Variants in CNGA3 observed in about 807,000 individuals in gnomAD.
CNGA3 encodes cyclic nucleotide-gated channel alpha-3.
In CNGA3, 42 loss-of-function variants were observed where a neutral mutation model predicts 46.6. The observed-to-expected ratio is 0.90, with a 90% confidence interval of 0.70 to 1.17. The LOEUF is 1.17. CNGA3 is among the 50% of genes most tolerant of loss of function. CNGA3 has a pLI of 0.00. For synonymous variants in CNGA3, 394 were observed against 369.4 expected, an observed-to-expected ratio of 1.07 and a Z score of -0.76; for missense variants, 893 against 890.7, an observed-to-expected ratio of 1.00 and a Z score of -0.03.
At chr2:98,390,885 G>T (rs1294916559) in intron 6 of CNGA3, among the ~76,000 whole-genome samples, 1 of 152,242 alleles carries the variant, frequency 6.6e-6, no homozygotes, top group African/African-American at 2.4e-5. Flanking sequence ...GCAAAGGCAG[G>T]TCTCTTCTGA....
Position 98,397,296 on chromosome 2 carries a change from AG to A in CNGA3, c.*44del. On this transcript the variant is annotated 3_prime_UTR_variant, in exon 8 of 8. Coordinates refer to ENST00000272602, the MANE Select transcript of CNGA3 (RefSeq NM_001298.3). Reference sequence around the variant, plus strand: ...CTCCTGCTTCACAGGGTCGACTGTCAGGGTGACCGTATGTGGCCGCAGCTGT... The same window carrying A: ...CTCCTGCTTCACAGGGTCGACTGTCAGGTGACCGTATGTGGCCGCAGCTGT... 6.9e-6 allele frequency: 11 copies of A among 1,592,298 alleles called. No homozygotes were observed. Among genetic ancestry groups the A allele is most frequent in the Non-Finnish European group, 9.5e-6 (11 of 1,162,820 alleles).
rs576972804 is a variant in CNGA3, at chr2:98,369,913, G to A, written c.-37-26G>A. On this transcript the variant is annotated intron_variant, in intron 1 of 7. Coordinates refer to ENST00000272602, the MANE Select transcript of CNGA3 (RefSeq NM_001298.3). ...GCAGTTACTTTCCTGTCCTGATGAC[G>A]TGTCTGCTTTGTGTTCACATTTTAG... 82 of 1,420,210 alleles carry A rather than the reference G, an allele frequency of 5.8e-5. 1 individual carries two copies. In the South Asian group the frequency reaches 6.8e-4, roughly 12 times the overall value. The allele number at this position is 1,420,210 out of a possible 1,614,324, so 88.0% of individuals were successfully genotyped here.
Position 98,380,185 on chromosome 2 carries a change from C to A in CNGA3, c.226C>A (p.Leu76Ile). ...TGQGIARLSR[L>I]IFLLRRWAAR... ...TGTGTCACCTTCCAGGCTGTCGCGC[C>A]TCATCTTCTTGCTGCGCAGGTGGGC... Residue 76 changes from leucine (L) to isoleucine (I), a missense_variant, in exon 4 of 8, where the codon CTC (leucine) becomes ATC (isoleucine). By Grantham distance (5) the Leu-to-Ile change is conservative. Around this residue, in one of 3 missense-constraint regions of CNGA3, gnomAD observed 333 missense variants for 290.8 expected, o/e 1.15. Coordinates refer to ENST00000272602, the MANE Select transcript of CNGA3 (RefSeq NM_001298.3). The A allele has an allele frequency of 3.7e-6, 6 of 1,614,218 alleles. No individual in the cohort carries two copies. The highest frequency in any genetic ancestry group is 5.1e-6 in the Non-Finnish European group (6 of 1,180,052).
chr2:98,360,891 C>T (rs72819940), intron 1 of CNGA3, among the ~76,000 whole-genome samples: 29,159 of 151,974 alleles, frequency 0.19, 3,191 homozygotes, highest in Non-Finnish European at 0.26. Context: ...TTAGAATAAA[C>T]AATGATGTAA....
intron 1 of CNGA3, among the ~76,000 whole-genome samples, chr2:98,357,014 G>A (rs968366027): frequency 1.3e-5 from 2 of 152,156 alleles, no homozygotes; most frequent in African/African-American, 2.4e-5. Context: ...CAATAAATAC[G>A]TGGCTGTTAT....
At chr2:98,380,611 C>A (rs1027539339) in intron 4 of CNGA3, among the ~76,000 whole-genome samples, 2 of 152,136 alleles carry the variant, frequency 1.3e-5, no homozygotes, top group Admixed American at 6.5e-5. Flanking sequence ...TCACCTTATC[C>A]TACACAGGGG....
In CNGA3 at chr2:98,384,408, A is replaced by G. The variant is rs566920491; in HGVS notation, c.449+967A>G. 3.2e-4 allele frequency among the ~76,000 whole-genome samples: 49 copies of G among 152,322 alleles called. No individual in the cohort carries two copies. The South Asian group carries it at 9.9e-3, about 31-fold the overall frequency. On this transcript the variant is annotated intron_variant, in intron 5 of 7. Transcript: ENST00000272602. The stretch of plus-strand genomic sequence containing the variant: ...TGGAGATTAGGGAAAAAATACCTAT[A>G]TCAGTGAGAAATGCCGATTTCTTGA...
intron 2 of CNGA3, among the ~76,000 whole-genome samples, chr2:98,374,008 G>A (rs1284898503): frequency 6.6e-6 from 1 of 152,216 alleles, no homozygotes; most frequent in East Asian, 1.9e-4. Context: ...CAATAGCAGT[G>A]GGTTCCAATC....
chr2:98,361,706 T>G (rs1692036977), intron 1 of CNGA3, among the ~76,000 whole-genome samples: 2 of 93,578 alleles, frequency 2.1e-5, no homozygotes, highest in Non-Finnish European at 5.5e-5. Context: ...TTTCTTGACT[T>G]TTTTTTTTTT....
Position 98,380,429 on chromosome 2 carries a change from C to T in CNGA3, c.395+75C>T, listed in dbSNP as rs568166873. The T allele has an allele frequency of 1.4e-4, 220 of 1,537,728 alleles. 1 individual carries two copies. Among genetic ancestry groups the T allele is most frequent in the Middle Eastern group, 1.8e-4 (1 of 5,416 alleles). ...CAGGAAGCCTGTGCTTTGCTCCATC[C>T]TGTTTGGATGCAGCACAGGTGGCCT... On this transcript the variant is annotated intron_variant, in intron 4 of 7. Coordinates refer to ENST00000272602, the MANE Select transcript of CNGA3 (RefSeq NM_001298.3).
chr2:98,361,844 A>T lies in CNGA3; in HGVS notation c.-37-8095A>T, dbSNP rs547016158. On this transcript the variant is annotated intron_variant, in intron 1 of 7. Transcript: ENST00000272602. ...TGCCTCAGCCTCCAGAGTAGCTGGG[A>T]CTACAGGCGCCCGCCACCACCCCCA... 1.5e-4 allele frequency among the ~76,000 whole-genome samples: 22 copies of T among 151,476 alleles called. No individual in the cohort carries two copies. In the South Asian group the frequency reaches 4.6e-3, roughly 32 times the overall value.
intron 4 of CNGA3, among the ~76,000 whole-genome samples, chr2:98,381,205 G>A (rs538149185): frequency 1.4e-3 from 210 of 152,258 alleles, no homozygotes; most frequent in African/African-American, 4.9e-3. Flanking sequence ...GGTCTGTCTG[G>A]AAGGGAGGAG....
intron 1 of CNGA3, among the ~76,000 whole-genome samples, chr2:98,355,063 A>G (rs946591923): frequency 1.3e-5 from 2 of 152,158 alleles, no homozygotes; most frequent in African/African-American, 4.8e-5. Context: ...TGTTCATGAG[A>G]TGATTATGAG....
In CNGA3 at chr2:98,396,742, G is replaced by C; in HGVS notation, c.1572G>C (p.Glu524Asp). 1 of 1,614,186 alleles carries C rather than the reference G, an allele frequency of 6.2e-7. No homozygotes were observed. The highest frequency in any genetic ancestry group is 1.7e-5 in the Admixed American group (1 of 60,022). ...GGAAGGAGATGTACATCATCAACGA[G>C]GGCAAGCTGGCCGTGGTGGCTGATG... ...DIGKEMYIINEGKLAVVADDG... is the reference protein window; with the variant it reads ...DIGKEMYIINDGKLAVVADDG... The change falls in exon 8 of 8, where the codon GAG becomes GAC. Residue 524 changes from glutamate (E) to aspartate (D), a missense_variant. Physicochemically the swap from Glu to Asp is conservative, Grantham distance 45. Around this residue, in one of 3 missense-constraint regions of CNGA3, gnomAD observed 548 missense variants for 570.8 expected, o/e 0.96. Transcript: ENST00000272602.
At chr2:98,393,845 G>A (rs1240935380) in intron 7 of CNGA3, among the ~76,000 whole-genome samples, 3 of 152,034 alleles carry the variant, frequency 2.0e-5, no homozygotes, top group Non-Finnish European at 2.9e-5. Context: ...AAGAAGTGGG[G>A]AGGAGGCTGG....
At chr2:98,379,077 G>C (rs562410844) in intron 3 of CNGA3, among the ~76,000 whole-genome samples, 11 of 152,242 alleles carry the variant, frequency 7.2e-5, no homozygotes, top group Non-Finnish European at 1.2e-4. Flanking sequence ...GGAGGAGGGA[G>C]TATGACCTTG....
chr2:98,375,438 G>T (rs1692383367), intron 2 of CNGA3, among the ~76,000 whole-genome samples: 1 of 152,234 alleles, frequency 6.6e-6, no homozygotes, highest in South Asian at 2.1e-4. Flanking sequence ...CCCCATGCCA[G>T]CTTCTCGAAT....
intron 5 of CNGA3, among the ~76,000 whole-genome samples, chr2:98,389,385 G>A (rs1412129432): frequency 6.6e-6 from 1 of 152,194 alleles, no homozygotes; most frequent in Non-Finnish European, 1.5e-5. Context: ...GGATGTTGTC[G>A]TGGGCACATG....
rs1211845337 is a variant in CNGA3 at position 98,396,209 on chromosome 2, C to T, written c.1039C>T (p.Arg347Cys). ...AAACATCTCAATCCCAGAGCATGGG[C>T]GCCTCTCCAGGAAGTACATTTACAG... ...YPNISIPEHG[R>C]LSRKYIYSLY... is the part of the protein sequence containing the mutation. The change falls in exon 8 of 8, where the codon CGC becomes TGC. Residue 347 changes from arginine to cysteine, a missense_variant. Arg to Cys is a radical substitution (Grantham distance 180, BLOSUM62 -3). Around this residue, in one of 3 missense-constraint regions of CNGA3, gnomAD observed 548 missense variants for 570.8 expected, o/e 0.96. Coordinates refer to ENST00000272602, the MANE Select transcript of CNGA3 (RefSeq NM_001298.3). 25 of 1,614,074 alleles carry T rather than the reference C, an allele frequency of 1.5e-5. No individual in the cohort carries two copies. In the East Asian group the frequency reaches 3.1e-4, roughly 20 times the overall value.
Sources: gnomAD v4.1 joint callset for allele counts (sites outside exome capture counted in the v4.1 genomes callset) on GRCh38, gnomAD v4.1.1 for gene constraint, gnomAD v4.1.1 regional missense constraint, MANE v1.5 for transcripts, NCBI Gene and HGNC (gene_info 2026-07-23, HGNC 2026-07-21) for gene names.